The following ACOXL variants were observed in gnomAD, a reference collection of about 807,000 sequenced individuals.
The protein encoded by ACOXL is acyl-CoA oxidase like.
ACOXL carries 70 observed loss-of-function variants against 71.9 expected under a neutral mutation model. The ratio of observed to expected loss-of-function variants is 0.97; its 90% confidence interval spans 0.80 to 1.19. ACOXL has a LOEUF of 1.19. ACOXL is among the 50% of genes most tolerant of loss of function. The pLI is 0.00. For missense variants in ACOXL, 703 were observed against 736.3 expected, an observed-to-expected ratio of 0.95 and a Z score of 0.52; for synonymous variants, 253 against 281.6, an observed-to-expected ratio of 0.90 and a Z score of 1.02.
At chr2:111,034,956 C>T (rs1462311994) in intron 15 of ACOXL, among the ~76,000 whole-genome samples, 2 of 149,654 alleles carry the variant, frequency 1.3e-5, no homozygotes, top group African/African-American at 2.5e-5. Flanking sequence ...CTCGCTCTGT[C>T]GCCCAGGCTG....
At chr2:110,765,412 A>G (rs775807233) in intron 1 of ACOXL, among the ~76,000 whole-genome samples, 2 of 152,112 alleles carry the variant, frequency 1.3e-5, no homozygotes, top group Non-Finnish European at 2.9e-5. Flanking sequence ...AACTGAAGAT[A>G]TGCATGTTGG....
intron 16 of ACOXL, among the ~76,000 whole-genome samples, chr2:111,092,054 A>G (rs1366831570): frequency 6.6e-6 from 1 of 152,318 alleles, no homozygotes; most frequent in East Asian, 1.9e-4. Flanking sequence ...CTAATGTGTC[A>G]TTATCTTTTA....
intron 16 of ACOXL, among the ~76,000 whole-genome samples, chr2:111,065,086 T>C (rs1052740506): frequency 2.6e-5 from 4 of 152,322 alleles, no homozygotes; most frequent in South Asian, 2.1e-4. Flanking sequence ...GAGGAATCAG[T>C]CTATCCAATT....
At chr2:111,037,903 T>C (rs1377788196) in intron 15 of ACOXL, among the ~76,000 whole-genome samples, 1 of 152,246 alleles carries the variant, frequency 6.6e-6, no homozygotes, top group East Asian at 1.9e-4. Context: ...AAGTCTTTCT[T>C]TGTGCATTTA....
chr2:111,050,226 C>A (rs2066223736), intron 16 of ACOXL, among the ~76,000 whole-genome samples: 1 of 151,566 alleles, frequency 6.6e-6, no homozygotes, highest in African/African-American at 2.4e-5. Flanking sequence ...GAGGGATTTT[C>A]AACTCATTTG....
chr2:110,951,154 C>T (rs1030204171), intron 12 of ACOXL, among the ~76,000 whole-genome samples: 1 of 152,132 alleles, frequency 6.6e-6, no homozygotes, highest in African/African-American at 2.4e-5. Context: ...GCGGACGTCC[C>T]ATCTCTGTAG....
At chr2:110,838,720 T>C (rs1414092909) in intron 9 of ACOXL, among the ~76,000 whole-genome samples, 1 of 152,240 alleles carries the variant, frequency 6.6e-6, no homozygotes. Flanking sequence ...CAGCCTTTGT[T>C]CAGGCCTTCC....
intron 9 of ACOXL, among the ~76,000 whole-genome samples, chr2:110,811,054 CG>C (rs1374902173): frequency 6.6e-6 from 1 of 152,170 alleles, no homozygotes; most frequent in Non-Finnish European, 1.5e-5. Flanking sequence ...TTATCTTCAC[CG>C]GGTCCCTTCC....
At chr2:110,788,609 T>C (rs1573519528) in intron 3 of ACOXL, among the ~76,000 whole-genome samples, 1 of 152,204 alleles carries the variant, frequency 6.6e-6, no homozygotes, top group East Asian at 1.9e-4. Context: ...AATTGTATGC[T>C]TAAAAGTGGC....
At chr2:110,898,509 A>T (rs575755958) in intron 10 of ACOXL, among the ~76,000 whole-genome samples, 1 of 152,336 alleles carries the variant, frequency 6.6e-6, no homozygotes, top group East Asian at 1.9e-4. Flanking sequence ...ATTTTAATGG[A>T]TACAGAAAAA....
At chr2:110,940,408 A>G (rs538657583) in intron 12 of ACOXL, among the ~76,000 whole-genome samples, 1 of 152,244 alleles carries the variant, frequency 6.6e-6, no homozygotes, top group Non-Finnish European at 1.5e-5. Flanking sequence ...TGTTGAGACC[A>G]AAATATGATC....
chr2:110,763,569 A>G (rs907163155), intron 1 of ACOXL, among the ~76,000 whole-genome samples: 6 of 152,238 alleles, frequency 3.9e-5, no homozygotes, highest in Admixed American at 3.3e-4. Flanking sequence ...GCCTAAATGT[A>G]AAATGTAAAA....
intron 14 of ACOXL, among the ~76,000 whole-genome samples, chr2:111,002,783 G>GAAC (rs1304464920): frequency 1.3e-5 from 2 of 151,934 alleles, no homozygotes; most frequent in Non-Finnish European, 2.9e-5. Context: ...AATACAGGTT[G>GAAC]AATGCTTGGG....
chr2:110,847,601 A>G (rs770850327), intron 10 of ACOXL, among the ~76,000 whole-genome samples: 2 of 152,246 alleles, frequency 1.3e-5, no homozygotes, highest in Non-Finnish European at 2.9e-5. Context: ...AGCAAAGTCT[A>G]AATGCAGTTC....
intron 17 of ACOXL, chr2:111,098,985 TAAGA>T (rs1306368177): frequency 6.6e-6 from 1 of 152,100 alleles, no homozygotes; most frequent in Non-Finnish European, 1.5e-5. Context: ...TGAGTAAAAC[TAAGA>T]AAGAGAGACA....
intron 9 of ACOXL, among the ~76,000 whole-genome samples, chr2:110,815,240 T>C (rs1337622467): frequency 6.6e-6 from 1 of 152,206 alleles, no homozygotes; most frequent in Admixed American, 6.5e-5. Flanking sequence ...CCCCCGTGAT[T>C]CAATTACTTC....
chr2:110,881,270 C>T (rs1401055766), intron 10 of ACOXL, among the ~76,000 whole-genome samples: 2 of 151,912 alleles, frequency 1.3e-5, no homozygotes, highest in Non-Finnish European at 2.9e-5. Flanking sequence ...TAAGACTCTT[C>T]CTGTAAAACA....
intron 16 of ACOXL, among the ~76,000 whole-genome samples, chr2:111,070,937 C>T (rs2067312965): frequency 2.0e-5 from 3 of 152,084 alleles, no homozygotes; most frequent in Admixed American, 1.3e-4. Flanking sequence ...AGCTCCCCAA[C>T]CTCAGGAAGA....
At chr2:110,803,013 C>G (rs553082141) in intron 8 of ACOXL, among the ~76,000 whole-genome samples, 1 of 151,928 alleles carries the variant, frequency 6.6e-6, no homozygotes, top group East Asian at 1.9e-4. Flanking sequence ...TATTATATGT[C>G]AATTAACAAA....
Sources: gnomAD v4.1 joint callset for allele counts (sites outside exome capture counted in the v4.1 genomes callset) on GRCh38, gnomAD v4.1.1 for gene constraint, MANE v1.5 for transcripts, NCBI Gene and HGNC (gene_info 2026-07-23, HGNC 2026-07-21) for gene names.